Variants in NFIA observed in about 807,000 individuals in gnomAD.
The protein encoded by NFIA is nuclear factor I A.
In NFIA, 8 loss-of-function variants were observed where a neutral mutation model predicts 62.8. The observed-to-expected ratio is 0.13, with a 90% CI of 0.07 to 0.23. NFIA has a LOEUF of 0.23. Ranked by LOEUF, NFIA falls within the 10% of genes least tolerant of loss-of-function variation. The probability of loss-of-function intolerance (pLI) is 1.00; values close to 1 mark genes in which losing one functional copy is unlikely to be tolerated. For synonymous variants in NFIA, 235 were observed against 238.1 expected (o/e 0.99, Z 0.12); for missense variants, 410 against 642.1 (o/e 0.64, Z 3.91).
chr1:61,438,293 A>T (rs1331786725), intron 10 of NFIA, among the ~76,000 whole-genome samples: 1 of 152,162 alleles, frequency 6.6e-6, no homozygotes, highest in Non-Finnish European at 1.5e-5. Context: ...TCTAGTTAGG[A>T]TGAAAAGCCC....
chr1:61,458,379 T>C lies in NFIA; in HGVS notation c.*3059T>C, dbSNP rs1249236193. On this transcript the variant is annotated 3_prime_UTR_variant, in exon 11 of 11. Transcript: ENST00000403491. ...TTAAACAAAACAAACTAAGCAATAG[T>C]TTGGGCAGTTTTAGTTGTTTTTAGT... is the stretch of plus-strand genomic sequence containing the variant. 1 of 152,200 alleles carries C rather than the reference T, an allele frequency of 6.6e-6. No homozygotes were observed. Among genetic ancestry groups the C allele is most frequent in the Non-Finnish European group, 1.5e-5 (1 of 68,032 alleles). 9.4% of individuals were successfully genotyped at this position (152,200 alleles called of 1,614,324 possible).
intron 2 of NFIA, among the ~76,000 whole-genome samples, chr1:61,264,153 G>C (rs139887713): frequency 1.1e-4 from 16 of 152,222 alleles, no homozygotes; most frequent in Admixed American, 4.6e-4. Context: ...TCCTAAGAAA[G>C]GTTAATCAAT....
At chr1:61,299,395 C>T (rs1659371239) in intron 3 of NFIA, among the ~76,000 whole-genome samples, 1 of 152,158 alleles carries the variant, frequency 6.6e-6, no homozygotes, top group Non-Finnish European at 1.5e-5. Context: ...CTTATGTTTC[C>T]AAAATGAGGC....
Position 61,381,233 on chromosome 1 carries a change from A to G in NFIA, c.947-2004A>G, listed in dbSNP as rs1664398181. ...CAGTGGAATGGTTGGCAGCCTATAA[A>G]TTGGTCTACACAAAAAGGTTTAAAT... On this transcript the variant is annotated intron_variant, in intron 6 of 10. Coordinates refer to ENST00000403491, the MANE Select transcript of NFIA (RefSeq NM_001134673.4). Among the ~76,000 whole-genome samples the G allele has an allele frequency of 3.9e-5, 6 of 152,258 alleles. 1 individual carries two copies. In the South Asian group the frequency reaches 1.2e-3, roughly 32 times the overall value.
intron 9 of NFIA, among the ~76,000 whole-genome samples, chr1:61,409,002 G>A (rs956713963): frequency 2.0e-5 from 3 of 152,196 alleles, no homozygotes; most frequent in Non-Finnish European, 2.9e-5. Context: ...ACTCCACTCC[G>A]TGGATTGAAC....
At chr1:61,247,896 T>C (rs982096778) in intron 2 of NFIA, among the ~76,000 whole-genome samples, 2 of 152,232 alleles carry the variant, frequency 1.3e-5, no homozygotes, top group Admixed American at 6.5e-5. Flanking sequence ...TCTCATGAGC[T>C]CCTGTATCAA....
intron 2 of NFIA, among the ~76,000 whole-genome samples, chr1:61,252,491 G>A (rs954756103): frequency 3.9e-5 from 6 of 152,168 alleles, no homozygotes; most frequent in African/African-American, 1.4e-4. Context: ...GTAAAGGCAA[G>A]CTACAAAAAT....
chr1:61,369,416 A>G (rs983259227), intron 6 of NFIA, among the ~76,000 whole-genome samples: 1 of 151,200 alleles, frequency 6.6e-6, no homozygotes, highest in African/African-American at 2.4e-5. Flanking sequence ...AGGAGGAAGG[A>G]AAGAAAAAAG....
chr1:61,214,233 G>A (rs1247532847), intron 2 of NFIA, among the ~76,000 whole-genome samples: 1 of 151,986 alleles, frequency 6.6e-6, no homozygotes, highest in Admixed American at 6.6e-5. Flanking sequence ...CCACTCTTTT[G>A]TTCCGCAAAG....
chr1:61,447,140 A>G (rs185261212), intron 10 of NFIA, among the ~76,000 whole-genome samples: 1 of 152,312 alleles, frequency 6.6e-6, no homozygotes, highest in East Asian at 1.9e-4. Context: ...AAAAATTTAA[A>G]AAAAAATTGT....
At chr1:61,092,801 T>C (rs1646343099) in intron 2 of NFIA, among the ~76,000 whole-genome samples, 1 of 152,160 alleles carries the variant, frequency 6.6e-6, no homozygotes, top group Non-Finnish European at 1.5e-5. Context: ...GACCAGATGG[T>C]CATGTTGACA....
intron 4 of NFIA, among the ~76,000 whole-genome samples, chr1:61,341,060 CTT>C (rs35203949): frequency 0.14 from 15,641 of 108,196 alleles, 573 homozygotes; most frequent in African/African-American, 0.2. Context: ...TACCGGCATT[CTT>C]TTTTTTTTTT....
intron 4 of NFIA, among the ~76,000 whole-genome samples, chr1:61,346,852 C>T (rs1443257257): frequency 6.6e-6 from 1 of 152,126 alleles, no homozygotes; most frequent in Non-Finnish European, 1.5e-5. Context: ...TCTCGGGAAA[C>T]TTATAATCAT....
intron 7 of NFIA, among the ~76,000 whole-genome samples, chr1:61,383,997 A>G (rs1664558307): frequency 6.6e-6 from 1 of 152,212 alleles, no homozygotes; most frequent in Non-Finnish European, 1.5e-5. Flanking sequence ...TCCACGAGAA[A>G]TATGATTTGT....
At position 61,381,100 on chromosome 1, in the gene NFIA, G is replaced by GAA. The variant is rs71582641; in HGVS notation, c.947-2123_947-2122dup. Among the ~76,000 whole-genome samples the GAA allele has an allele frequency of 6.2e-4, 83 of 134,930 alleles. 1 individual carries two copies. In the East Asian group the frequency reaches 7.2e-3, roughly 12 times the overall value. The allele number at this position is 134,930 out of a possible 152,430, so 88.5% of individuals were successfully genotyped here. A position where few individuals can be genotyped will look rare whatever the true frequency, so the allele number is the denominator to read the frequency against. On this transcript the variant is annotated intron_variant, in intron 6 of 10. Transcript: ENST00000403491. Reference sequence around the variant, plus strand: ...GATTTCATCAGTGATTCCATTATCTGAAAAAAAAAAAAAAATCTGCCACCT... The same window carrying GAA: ...GATTTCATCAGTGATTCCATTATCTGAAAAAAAAAAAAAAAAATCTGCCACCT...
At chr1:61,173,288 A>T (rs1321025040) in intron 2 of NFIA, among the ~76,000 whole-genome samples, 3 of 152,214 alleles carry the variant, frequency 2.0e-5, no homozygotes, top group Non-Finnish European at 4.4e-5. Flanking sequence ...ACAGGAAAAG[A>T]CCAAGGGTGT....
At chr1:61,396,816 G>A (rs916713962) in intron 7 of NFIA, among the ~76,000 whole-genome samples, 3 of 151,920 alleles carry the variant, frequency 2.0e-5, no homozygotes, top group African/African-American at 2.4e-5. Context: ...GCTGGGCAAC[G>A]TGGTGAAACC....
intron 7 of NFIA, among the ~76,000 whole-genome samples, chr1:61,389,337 A>C (rs778339435): frequency 3.3e-4 from 51 of 152,310 alleles, no homozygotes; most frequent in Middle Eastern, 3.4e-3. Context: ...TTTTCATAGG[A>C]TCTTCTGCAG....
intron 2 of NFIA, among the ~76,000 whole-genome samples, chr1:61,240,197 T>C (rs77899473): frequency 0.045 from 6,866 of 152,208 alleles, 223 homozygotes; most frequent in Non-Finnish European, 0.064. Flanking sequence ...AATTTTAAAA[T>C]TCAGCTTTCA....
Sources: gnomAD v4.1 joint callset for allele counts (sites outside exome capture counted in the v4.1 genomes callset) on GRCh38, gnomAD v4.1.1 for gene constraint, MANE v1.5 for transcripts, NCBI Gene and HGNC (gene_info 2026-07-23, HGNC 2026-07-21) for gene names.